The following MDN1 variants were observed in gnomAD, a reference collection of about 807,000 sequenced individuals.
The protein encoded by MDN1 is midasin.
In MDN1, 266 loss-of-function variants were observed where a neutral mutation model predicts 669.2. The observed-to-expected ratio is 0.40, with a 90% CI of 0.36 to 0.44. MDN1 has a LOEUF of 0.44. Ranked by LOEUF, MDN1 falls within the 20% of genes least tolerant of loss-of-function variation. The pLI, the probability that MDN1 is intolerant of heterozygous loss-of-function variation, is 1.00. For synonymous variants in MDN1, 2,385 were observed against 2,457.1 expected (o/e 0.97, Z 0.87); for missense variants, 5,940 against 6,754.0 (o/e 0.88, Z 4.22).
At chr6:89,767,169 C>T (rs1817841104) in intron 15 of MDN1, among the ~76,000 whole-genome samples, 1 of 152,174 alleles carries the variant, frequency 6.6e-6, no homozygotes, top group Non-Finnish European at 1.5e-5. Context: ...CCACCCGCAA[C>T]TCTTCAAATT....
At chr6:89,652,971 G>A (rs748136509) in intron 94 of MDN1, 21 bp downstream of exon 94, 20 of 1,607,294 alleles carry the variant, frequency 1.2e-5, no homozygotes, top group Non-Finnish European at 1.7e-5. Flanking sequence ...TATTAATGCA[G>A]TAATTTGTGA....
At chr6:89,745,240 G>A in intron 29 of MDN1, 33 bp downstream of exon 29, 1 of 1,596,366 alleles carries the variant, frequency 6.3e-7, no homozygotes, top group Non-Finnish European at 8.6e-7. Flanking sequence ...GAATTGAAAT[G>A]AACCCTCATG....
At chr6:89,656,092 T>C (rs565518228) in intron 91 of MDN1, 124 bp from the exon 92 acceptor site, 283 of 777,998 alleles carry the variant, frequency 3.6e-4, no homozygotes, top group Admixed American at 7.5e-4. Context: ...AAGAATGGAA[T>C]TCAATACAGC....
chr6:89,811,507 G>A (rs1768414513), intron 1 of MDN1, among the ~76,000 whole-genome samples: 1 of 151,896 alleles, frequency 6.6e-6, no homozygotes. Flanking sequence ...TACGATGTCG[G>A]CTCACTGTGA....
chr6:89,682,563 C>A (rs571711690), intron 73 of MDN1, among the ~76,000 whole-genome samples: 49 of 151,708 alleles, frequency 3.2e-4, no homozygotes, highest in Non-Finnish European at 5.6e-4. Flanking sequence ...AAAAAATTAG[C>A]CAGGCGTGGT....
At chr6:89,759,346 G>A (rs1415613761) in intron 17 of MDN1, among the ~76,000 whole-genome samples, 2 of 152,196 alleles carry the variant, frequency 1.3e-5, no homozygotes, top group African/African-American at 4.8e-5. Context: ...TTTAGTGATT[G>A]TCATACACTG....
chr6:89,779,486 CAA>C (rs905862387), intron 11 of MDN1, among the ~76,000 whole-genome samples: 2 of 152,138 alleles, frequency 1.3e-5, no homozygotes, highest in Non-Finnish European at 2.9e-5. Flanking sequence ...TGGTGTCTTA[CAA>C]AGAGGTTCAG....
rs1584319658 is a variant in MDN1, at chr6:89,753,469, A to G, written c.3075+43T>C. ...CAAACAGCTGAAAATTTGGTAATTC[A>G]GCCTTTCAAGTGTAACAAGTCAAAA... is the stretch of plus-strand genomic sequence containing the variant. On this transcript the variant is annotated intron_variant, in intron 22 of 101. Coordinates refer to ENST00000369393, the MANE Select transcript of MDN1 (RefSeq NM_014611.3). The G allele has an allele frequency of 3.5e-6, 5 of 1,439,044 alleles. No homozygotes were observed. In the South Asian group the frequency reaches 6.3e-5, roughly 18 times the overall value. The allele number at this position is 1,439,044 out of a possible 1,614,324, so 89.1% of individuals were successfully genotyped here. A position where few individuals can be genotyped will look rare whatever the true frequency, so the allele number is the denominator to read the frequency against.
chr6:89,670,166 A>ATTTTTTTT (rs1482501704), intron 83 of MDN1, among the ~76,000 whole-genome samples: 7 of 17,716 alleles, frequency 4.0e-4, no homozygotes, highest in Admixed American at 2.3e-3. Context: ...ATATATATAT[A>ATTTTTTTT]TATATTTTTT....
At chr6:89,646,485 G>A in intron 100 of MDN1, 55 bp downstream of exon 100, 1 of 1,474,162 alleles carries the variant, frequency 6.8e-7, no homozygotes, top group Non-Finnish European at 9.5e-7. Flanking sequence ...AGCAGCTTGG[G>A]AATATAGAGT....
chr6:89,712,525 A>G (rs752204894), intron 48 of MDN1, 50 bp downstream of exon 48: 2 of 1,563,014 alleles, frequency 1.3e-6, no homozygotes, highest in South Asian at 2.2e-5. Context: ...TTCCAGCAAA[A>G]ATAAAAACCA....
Position 89,680,575 on chromosome 6 carries a change from A to G in MDN1, c.12265+14T>C, listed in dbSNP as rs1400629983. 6 of 1,609,578 alleles carry G rather than the reference A, an allele frequency of 3.7e-6. No homozygotes were observed. The South Asian group carries it at 6.7e-5, about 18-fold the overall frequency. ...ACAGAAAGATCCACCCTTGACTTGG[A>G]TGCTGGCACCCACCTGTGAACTGAT... On this transcript the variant is annotated intron_variant, in intron 74 of 101. Coordinates refer to ENST00000369393, the MANE Select transcript of MDN1 (RefSeq NM_014611.3).
At position 89,674,516 on chromosome 6, in the gene MDN1, G is replaced by T. The variant is rs530285469; in HGVS notation, c.12835C>A (p.Pro4279Thr). Reference protein sequence around the residue: ...GPQAYPVAFPPQDGVQQWTER... With the variant: ...GPQAYPVAFPTQDGVQQWTER... Reference sequence around the variant, plus strand: ...GTCCACTGCTGCACGCCATCCTGAGGGGGGAAGGCCACGGGGTAGGCCTGG... The same window carrying T: ...GTCCACTGCTGCACGCCATCCTGAGTGGGGAAGGCCACGGGGTAGGCCTGG... The change falls in exon 79 of 102, where the codon CCT becomes ACT. Residue 4279 changes from proline to threonine, a missense_variant. Around this residue, in one of 5 missense-constraint regions of MDN1, gnomAD observed 2,280 missense variants for 2,576.3 expected, o/e 0.88. Transcript: ENST00000369393. 1 of 1,609,398 alleles carries T rather than the reference G, an allele frequency of 6.2e-7. No individual in the cohort carries two copies. The highest frequency in any genetic ancestry group is 8.5e-7 in the Non-Finnish European group (1 of 1,179,714).
intron 1 of MDN1, among the ~76,000 whole-genome samples, chr6:89,807,910 T>C (rs1229116566): frequency 2.6e-5 from 4 of 152,192 alleles, no homozygotes; most frequent in African/African-American, 7.2e-5. Flanking sequence ...ACTTGTTTTT[T>C]TTCATAGCTT....
At position 89,758,260 on chromosome 6, in the gene MDN1, T is replaced by C. The variant is rs775032998; in HGVS notation, c.2697A>G (p.Arg899=). 36 of 1,607,384 alleles carry C rather than the reference T, an allele frequency of 2.2e-5. No individual in the cohort carries two copies. The highest frequency in any genetic ancestry group is 2.9e-5 in the Non-Finnish European group (34 of 1,175,922). The part of the protein sequence containing the change: ...VGKRNLPPGI[R]NRFTELYVEE... ...TCCAAGAACCAAACCCTCACCTGTT[T>C]CTTATTCCTGGTGGGAGATTTCTTT... The change falls in exon 19 of 102, where the codon AGA becomes AGG. Residue 899 remains arginine, a synonymous_variant. Coordinates refer to ENST00000369393, the MANE Select transcript of MDN1 (RefSeq NM_014611.3).
intron 8 of MDN1, among the ~76,000 whole-genome samples, chr6:89,786,649 C>A (rs1818974274): frequency 6.6e-6 from 1 of 151,834 alleles, no homozygotes; most frequent in South Asian, 2.1e-4. Flanking sequence ...CAGGATTGGG[C>A]CGGGCACGGT....
At chr6:89,711,433 G>A (rs1352433388) in intron 49 of MDN1, among the ~76,000 whole-genome samples, 3 of 152,092 alleles carry the variant, frequency 2.0e-5, no homozygotes, top group African/African-American at 7.2e-5. Flanking sequence ...CATTGTATTA[G>A]GTATTATAAG....
Position 89,698,917 on chromosome 6 carries a change from G to C in MDN1, c.9116C>G (p.Pro3039Arg). 1.2e-6 allele frequency: 2 copies of C among 1,614,084 alleles called. No individual in the cohort carries two copies. Among genetic ancestry groups the C allele is most frequent in the Non-Finnish European group, 8.5e-7 (1 of 1,180,000 alleles). ...PEYWLMWNPL[P>R]GMQQREAPKS... ...GGGTGCCTCCCTCTGCTGCATACCA[G>C]GCAAAGGGTTCCACATTAGCCAGTA... Residue 3039 changes from proline to arginine, a missense_variant, in exon 59 of 102, where the codon CCT (proline) becomes CGT (arginine). Pro to Arg is a moderately radical substitution (Grantham distance 103, BLOSUM62 -2). Around this residue, in one of 5 missense-constraint regions of MDN1, gnomAD observed 2,292 missense variants for 2,638.3 expected, o/e 0.87. Transcript: ENST00000369393.
Position 89,732,596 on chromosome 6 carries a change from G to A in MDN1, c.4903C>T (p.His1635Tyr). ...TCTATGTACACCAGGCATGCAGCAT[G>A]GACAAAAGATGTCACAGTGGAGATG... ...EIISTVTSFV[H>Y]AACLVYIDGI... The change falls in exon 34 of 102, where the codon CAT (histidine) becomes TAT (tyrosine). Residue 1635 changes from histidine to tyrosine, a missense_variant. Transcript: ENST00000369393. 1.2e-6 allele frequency: 2 copies of A among 1,614,088 alleles called. No individual in the cohort carries two copies. The highest frequency in any genetic ancestry group is 8.5e-7 in the Non-Finnish European group (1 of 1,180,002).
Sources: gnomAD v4.1 joint callset for allele counts (sites outside exome capture counted in the v4.1 genomes callset) on GRCh38, gnomAD v4.1.1 for gene constraint, gnomAD v4.1.1 regional missense constraint, MANE v1.5 for transcripts, NCBI Gene and HGNC (gene_info 2026-07-23, HGNC 2026-07-21) for gene names.